DNAJC21: variants seen among roughly 807,000 people sequenced by gnomAD.
The protein encoded by DNAJC21 is dnaJ homolog subfamily C member 21.
A neutral mutation model predicts 72.4 loss-of-function variants in DNAJC21; 63 were observed. The observed-to-expected ratio is 0.87, with a 90% CI of 0.71 to 1.07. DNAJC21 has a LOEUF of 1.07. Among genes scored for constraint, DNAJC21 ranks in the 50% least tolerant of loss-of-function variants. The probability of loss-of-function intolerance (pLI) is 0.00; values close to 1 mark genes in which losing one functional copy is unlikely to be tolerated. For missense variants in DNAJC21, 634 were observed against 644.8 expected (o/e 0.98, Z 0.18); for synonymous variants, 203 against 216.7 (o/e 0.94, Z 0.56).
intron 10 of DNAJC21, chr5:34,950,843 G>A: frequency 1.0e-6 from 1 of 985,752 alleles, no homozygotes; most frequent in South Asian, 4.7e-5. Flanking sequence ...CTAGGAGGAG[G>A]TCTCACCCAA....
At chr5:34,941,296 C>A in intron 7 of DNAJC21, 113 bp downstream of exon 7, 1 of 923,564 alleles carries the variant, frequency 1.1e-6, no homozygotes, top group Non-Finnish European at 1.7e-6. Flanking sequence ...CTGTTGAACT[C>A]AGATGATCCT....
At chr5:34,942,145 AT>A (rs1052438233) in intron 7 of DNAJC21, among the ~76,000 whole-genome samples, 1 of 152,098 alleles carries the variant, frequency 6.6e-6, no homozygotes, top group African/African-American at 2.4e-5. Flanking sequence ...ACCGTGTCTA[AT>A]CATCTCCCTC....
At chr5:34,941,560 C>CTTTTTTT (rs765889955) in intron 7 of DNAJC21, among the ~76,000 whole-genome samples, 7 of 76,084 alleles carry the variant, frequency 9.2e-5, no homozygotes, top group Non-Finnish European at 1.4e-4. Context: ...CTTGTGTTTT[C>CTTTTTTT]TTTTTTTTTT....
chr5:34,951,564 G>T, intron 10 of DNAJC21: 3 of 977,420 alleles, frequency 3.1e-6, no homozygotes, highest in Non-Finnish European at 3.6e-6. Context: ...GTCTCGCTCT[G>T]TTGCCCAGGC....
rs1280535851 is a variant in DNAJC21 at position 34,949,598 on chromosome 5, G to GA, written c.1186-566dup. 4 of 1,588,260 alleles carry GA rather than the reference G, an allele frequency of 2.5e-6. No individual in the cohort carries two copies. In the East Asian group the frequency reaches 6.8e-5, roughly 27 times the overall value. On this transcript the variant is annotated intron_variant, in intron 9 of 11. Transcript: ENST00000648817. ...GCAGCTCACTTTCAGATGGCTTGGGGAAAAAAGTGTGTGTTGGGAGAGAGA... is the reference window on the plus strand; with the variant it reads ...GCAGCTCACTTTCAGATGGCTTGGGGAAAAAAAGTGTGTGTTGGGAGAGAGA...
chr5:34,954,424 T>TCTC, intron 11 of DNAJC21, 129 bp from the exon 12 acceptor site: 1 of 1,115,776 alleles, frequency 9.0e-7, no homozygotes, highest in Non-Finnish European at 1.2e-6. Context: ...AACGTGTTTA[T>TCTC]TACCTGTCCA....
At position 34,957,628 on chromosome 5, in the gene DNAJC21, C is replaced by T. The variant is rs901721430; in HGVS notation, c.*2914C>T. On this transcript the variant is annotated 3_prime_UTR_variant, in exon 12 of 12. Coordinates refer to ENST00000648817, the MANE Select transcript of DNAJC21 (RefSeq NM_001012339.3). The stretch of plus-strand genomic sequence containing the variant: ...AGTTTTCATTTTTTCTAAATCCTCC[C>T]CTACAAAATTTTCAGATTGGAAATT... The T allele has an allele frequency of 1.3e-5, 2 of 152,060 alleles. No homozygotes were observed. The highest frequency in any genetic ancestry group is 4.8e-5 in the African/African-American group (2 of 41,388). The allele number at this position is 152,060 out of a possible 1,614,324, so 9.4% of individuals were successfully genotyped here. A position where few individuals can be genotyped will look rare whatever the true frequency, so the allele number is the denominator to read the frequency against.
Position 34,954,645 on chromosome 5 carries a change from A to G in DNAJC21, c.1527A>G (p.Ala509=). The G allele has an allele frequency of 6.2e-7, 1 of 1,613,722 alleles. No individual in the cohort carries two copies. The highest frequency in any genetic ancestry group is 1.1e-5 in the South Asian group (1 of 90,998). Residue 509 remains alanine (A), a synonymous_variant, in exon 12 of 12, where the codon GCA becomes GCG. Transcript: ENST00000648817. ...TAAAGGCCACAGGTCATGCAAGAGCACCTTCATCATCGTCTTTAAACAGCG... is the reference window on the plus strand; with the variant it reads ...TAAAGGCCACAGGTCATGCAAGAGCGCCTTCATCATCGTCTTTAAACAGCG... The part of the protein sequence containing the change: ...DHLKATGHAR[A]PSSSSLNSAT...
chr5:34,945,148 G>C (rs1394367080), intron 8 of DNAJC21, 123 bp downstream of exon 8: 8 of 1,164,062 alleles, frequency 6.9e-6, no homozygotes, highest in Non-Finnish European at 9.7e-6. Context: ...CGCAGTCTCA[G>C]CTCACTGCAA....
chr5:34,933,023 C>T (rs933618753), intron 1 of DNAJC21, among the ~76,000 whole-genome samples: 13 of 152,182 alleles, frequency 8.5e-5, no homozygotes, highest in African/African-American at 2.9e-4. Flanking sequence ...GAGGCAAGGA[C>T]GCTTTCTGAA....
intron 9 of DNAJC21, among the ~76,000 whole-genome samples, chr5:34,949,963 A>G (rs1238880201): frequency 6.6e-6 from 1 of 152,204 alleles, no homozygotes; most frequent in Non-Finnish European, 1.5e-5. Flanking sequence ...ATTTTTCTTC[A>G]TATATTCAGC....
At chr5:34,948,621 C>G (rs1765249685) in intron 9 of DNAJC21, among the ~76,000 whole-genome samples, 1 of 152,218 alleles carries the variant, frequency 6.6e-6, no homozygotes, top group Non-Finnish European at 1.5e-5. Flanking sequence ...AATCCCAGAA[C>G]TTTGGGAGGC....
intron 4 of DNAJC21, among the ~76,000 whole-genome samples, chr5:34,936,932 G>A (rs1764800049): frequency 6.6e-6 from 1 of 151,974 alleles, no homozygotes. Flanking sequence ...TGTATTTTTA[G>A]TAGAGACAGG....
chr5:34,937,208 A>G, intron 4 of DNAJC21, 118 bp from the exon 5 acceptor site: 1 of 1,016,116 alleles, frequency 9.8e-7, no homozygotes, highest in South Asian at 1.8e-5. Flanking sequence ...AGAGATTATT[A>G]GAAGTGTTAT....
At chr5:34,931,451 G>T (rs79211716) in intron 1 of DNAJC21, among the ~76,000 whole-genome samples, 189 of 152,236 alleles carry the variant, frequency 1.2e-3, no homozygotes, top group African/African-American at 4.2e-3. Flanking sequence ...AAGGAAGTTC[G>T]GAATTCCTTG....
chr5:34,945,007 A>T lies in DNAJC21; in HGVS notation c.1124A>T (p.Glu375Val). The T allele has an allele frequency of 6.2e-7, 1 of 1,613,276 alleles. No homozygotes were observed. The highest frequency in any genetic ancestry group is 8.5e-7 in the Non-Finnish European group (1 of 1,179,870). The stretch of plus-strand genomic sequence containing the variant: ...GATGACAATTCTGAGGAAGAAATGG[A>T]AGATGCACCAAAACAAAAGTACTTC... ...PLDDNSEEEMEDAPKQKLSKK... is the reference protein window; with the variant it reads ...PLDDNSEEEMVDAPKQKLSKK... Residue 375 changes from glutamate to valine, a missense_variant, in exon 8 of 12, where the codon GAA (glutamate) becomes GTA (valine). Coordinates refer to ENST00000648817, the MANE Select transcript of DNAJC21 (RefSeq NM_001012339.3).
chr5:34,955,449 C>G lies in DNAJC21; in HGVS notation c.*735C>G, dbSNP rs767881574. On this transcript the variant is annotated 3_prime_UTR_variant, in exon 12 of 12. Transcript: ENST00000648817. ...GTGACAGCTGTAAAGTATGACGGAA[C>G]AAGGTAGCAGATGGTACAGAATTTA... 6.6e-6 allele frequency: 1 copy of G among 152,140 alleles called. No homozygotes were observed. Among genetic ancestry groups the G allele is most frequent in the African/African-American group, 2.4e-5 (1 of 41,424 alleles). The allele number at this position is 152,140 out of a possible 1,614,324, so 9.4% of individuals were successfully genotyped here. A position where few individuals can be genotyped will look rare whatever the true frequency, so the allele number is the denominator to read the frequency against.
In DNAJC21 at chr5:34,929,906, A is replaced by G. The variant is rs761257342; in HGVS notation, c.87A>G (p.Lys29=). The change falls in exon 1 of 12, where the codon AAA becomes AAG. Residue 29 remains lysine (K), a synonymous_variant. Transcript: ENST00000648817. The part of the protein sequence containing the change: ...LKKAYRKLAL[K]WHPDKNLDNA... ...AGGCCTATCGGAAGCTGGCCCTGAA[A>G]TGGCACCCGGGTAAGTACCTGTCCC... 1.5e-5 allele frequency: 23 copies of G among 1,581,010 alleles called. No individual in the cohort carries two copies. In the South Asian group the frequency reaches 2.3e-4, roughly 16 times the overall value.
intron 9 of DNAJC21, among the ~76,000 whole-genome samples, chr5:34,947,475 A>T (rs1765205717): frequency 6.6e-6 from 1 of 152,194 alleles, no homozygotes; most frequent in East Asian, 1.9e-4. Flanking sequence ...TTTGTTAATC[A>T]CATATTTAAT....
Sources: gnomAD v4.1 joint callset for allele counts (sites outside exome capture counted in the v4.1 genomes callset) on GRCh38, gnomAD v4.1.1 for gene constraint, MANE v1.5 for transcripts, NCBI Gene and HGNC (gene_info 2026-07-23, HGNC 2026-07-21) for gene names.